Variants in PPFIA1 observed in about 807,000 individuals in gnomAD.
PPFIA1 encodes PPFI scaffold protein A1, also known as liprin-alpha-1.
PPFIA1 carries 25 observed loss-of-function variants against 149.9 expected under a neutral mutation model. The observed-to-expected ratio is 0.17, with a 90% confidence interval of 0.12 to 0.23. PPFIA1 has a LOEUF of 0.23. PPFIA1 is among the 10% of genes least tolerant of loss of function. The probability of loss-of-function intolerance (pLI) is 1.00; values close to 1 mark genes in which losing one functional copy is unlikely to be tolerated. For missense variants in PPFIA1, 1,362 were observed against 1,506.5 expected (o/e 0.90, Z 1.59); for synonymous variants, 549 against 552.8 (o/e 0.99, Z 0.10).
intron 2 of PPFIA1, among the ~76,000 whole-genome samples, chr11:70,312,449 C>T (rs189929602): frequency 6.6e-6 from 1 of 152,126 alleles, no homozygotes; most frequent in African/African-American, 2.4e-5. Flanking sequence ...CCCGAGCCCC[C>T]CAAAGTGCTG....
chr11:70,356,507 C>T (rs148634021), intron 19 of PPFIA1, among the ~76,000 whole-genome samples: 2 of 152,302 alleles, frequency 1.3e-5, no homozygotes, highest in African/African-American at 2.4e-5. Flanking sequence ...GAGTTGGACT[C>T]AGCTGCCTGA....
chr11:70,337,886 A>G (rs1293668748), intron 12 of PPFIA1, among the ~76,000 whole-genome samples: 2 of 152,228 alleles, frequency 1.3e-5, no homozygotes, highest in Non-Finnish European at 2.9e-5. Context: ...GTCATAGCAC[A>G]TCTCCATTTA....
intron 2 of PPFIA1, among the ~76,000 whole-genome samples, chr11:70,300,824 C>T (rs1444340181): frequency 1.3e-5 from 2 of 152,166 alleles, no homozygotes; most frequent in African/African-American, 2.4e-5. Context: ...TGAGCCACCG[C>T]GCCCGGCCTA....
intron 2 of PPFIA1, among the ~76,000 whole-genome samples, chr11:70,314,913 A>G (rs2053505398): frequency 6.6e-6 from 1 of 152,236 alleles, no homozygotes; most frequent in African/African-American, 2.4e-5. Context: ...AGTTACAGTC[A>G]CAGGGGAAGG....
rs749993819 is a variant in PPFIA1, at chr11:70,356,169, T to C, written c.2497T>C (p.Ser833Pro). Residue 833 changes from serine (S) to proline (P), a missense_variant, in exon 19 of 28, where the codon TCC (serine) becomes CCC (proline). Transcript: ENST00000253925. ...GTTCTGCTTCCTCACAGCTGGTGTTTCCGAGACGGATAACTCATCTCAGGA... is the reference window on the plus strand; with the variant it reads ...GTTCTGCTTCCTCACAGCTGGTGTTCCCGAGACGGATAACTCATCTCAGGA... ...GKEALGQAGV[S>P]ETDNSSQDAL... 11 of 1,613,888 alleles carry C rather than the reference T, an allele frequency of 6.8e-6. No homozygotes were observed. The Admixed American group carries it at 1.7e-4, about 24-fold the overall frequency.
chr11:70,375,277 G>A, intron 24 of PPFIA1, 184 bp downstream of exon 24: 1 of 421,150 alleles, frequency 2.4e-6, no homozygotes, highest in South Asian at 7.6e-5. Flanking sequence ...GGAAGCATGA[G>A]AGTCCTGCAA....
chr11:70,334,639 A>G (rs1034637978), intron 10 of PPFIA1: 2 of 152,282 alleles, frequency 1.3e-5, no homozygotes, highest in African/African-American at 2.4e-5. Flanking sequence ...TCAGGTAATG[A>G]TAGTTGCTAC....
intron 2 of PPFIA1, among the ~76,000 whole-genome samples, chr11:70,299,647 A>G (rs1369016245): frequency 6.6e-6 from 1 of 152,050 alleles, no homozygotes; most frequent in East Asian, 1.9e-4. Flanking sequence ...TCCTGCCAGA[A>G]CTGTGCTCTC....
At chr11:70,381,604 CCCT>C (rs1445070219) in intron 26 of PPFIA1, among the ~76,000 whole-genome samples, 2 of 152,210 alleles carry the variant, frequency 1.3e-5, no homozygotes, top group African/African-American at 4.8e-5. Flanking sequence ...AAGGTTCTCT[CCCT>C]CCTCTTAGAC....
chr11:70,274,244 A>G (rs933704003), intron 2 of PPFIA1, among the ~76,000 whole-genome samples: 1 of 152,202 alleles, frequency 6.6e-6, no homozygotes, highest in Non-Finnish European at 1.5e-5. Context: ...CTCCTGGCAC[A>G]TTGTGGAGGC....
chr11:70,325,473 C>G, intron 4 of PPFIA1, 27 bp from the exon 5 acceptor site: 1 of 1,507,012 alleles, frequency 6.6e-7, no homozygotes, highest in Non-Finnish European at 9.2e-7. Flanking sequence ...CACACACACA[C>G]ACAAACTCAA....
chr11:70,303,604 G>T (rs1375239739), intron 2 of PPFIA1, among the ~76,000 whole-genome samples: 2 of 152,166 alleles, frequency 1.3e-5, no homozygotes, highest in Non-Finnish European at 2.9e-5. Context: ...CTGGCCCCTG[G>T]CACAGAGCTT....
chr11:70,333,345 T>C, intron 9 of PPFIA1, 125 bp from the exon 10 acceptor site: 1 of 746,856 alleles, frequency 1.3e-6, no homozygotes, highest in South Asian at 1.5e-5. Context: ...GAGTACATGC[T>C]TTCCATTTAG....
intron 2 of PPFIA1, among the ~76,000 whole-genome samples, chr11:70,289,276 T>A (rs1444484245): frequency 2.6e-5 from 4 of 152,112 alleles, no homozygotes; most frequent in Non-Finnish European, 5.9e-5. Context: ...TGGCTGAAGG[T>A]AGCATCTTTT....
At position 70,330,166 on chromosome 11, in the gene PPFIA1, A is replaced by G. The variant is rs1053290568; in HGVS notation, c.931-7A>G. The G allele has an allele frequency of 1.3e-6, 2 of 1,585,466 alleles. No homozygotes were observed. The highest frequency in any genetic ancestry group is 2.3e-5 in the South Asian group (2 of 86,084). ...CTTTTTTGTCCCCTCTGAAATACCT[A>G]ATTTAGGCCATGGCCCAAAAGGAAG... On this transcript the variant is annotated splice_polypyrimidine_tract_variant and splice_region_variant and intron_variant, in intron 7 of 27. Transcript: ENST00000253925.
At position 70,270,757 on chromosome 11, in the gene PPFIA1, C is replaced by A. The variant is rs552476277; in HGVS notation, c.-158C>A. On this transcript the variant is annotated 5_prime_UTR_variant, in exon 1 of 28. Coordinates refer to ENST00000253925, the MANE Select transcript of PPFIA1 (RefSeq NM_003626.5). The stretch of plus-strand genomic sequence containing the variant: ...CGCCAGTGTCCGGCCGCGGGCCGGC[C>A]TTAGTGACTGGGGCGGCGGGCCCCG... The A allele has an allele frequency of 6.7e-6, 1 of 150,314 alleles. No homozygotes were observed. The highest frequency in any genetic ancestry group is 1.5e-5 in the Non-Finnish European group (1 of 67,460). 9.3% of individuals were successfully genotyped at this position (150,314 alleles called of 1,614,324 possible). A position where few individuals can be genotyped will look rare whatever the true frequency, so the allele number is the denominator to read the frequency against.
intron 2 of PPFIA1, among the ~76,000 whole-genome samples, chr11:70,289,292 CT>C (rs2051363172): frequency 6.6e-6 from 1 of 152,026 alleles, no homozygotes; most frequent in Non-Finnish European, 1.5e-5. Context: ...CTTTTATGTC[CT>C]TTCATTGGAC....
At chr11:70,297,874 A>G (rs1007365035) in intron 2 of PPFIA1, among the ~76,000 whole-genome samples, 3 of 152,192 alleles carry the variant, frequency 2.0e-5, no homozygotes, top group African/African-American at 7.2e-5. Context: ...AGAGTGGACC[A>G]TTTCCCATCC....
At chr11:70,354,505 G>A (rs2056250309) in intron 17 of PPFIA1, 53 bp downstream of exon 17, 2 of 1,532,148 alleles carry the variant, frequency 1.3e-6, no homozygotes, top group African/African-American at 1.4e-5. Context: ...TTCGTTTCTG[G>A]TGTTGAGAAA....
Sources: gnomAD v4.1 joint callset for allele counts (sites outside exome capture counted in the v4.1 genomes callset) on GRCh38, gnomAD v4.1.1 for gene constraint, MANE v1.5 for transcripts, NCBI Gene and HGNC (gene_info 2026-07-23, HGNC 2026-07-21) for gene names.